Variants in TBC1D22A observed in about 807,000 individuals in gnomAD.
TBC1D22A encodes putative GTPase activator.
TBC1D22A carries 38 observed loss-of-function variants against 60.2 expected under a neutral mutation model. The observed-to-expected ratio is 0.63, with a 90% CI of 0.49 to 0.83. The LOEUF is 0.83. Ranked by LOEUF, TBC1D22A falls within the 40% of genes least tolerant of loss-of-function variation. The pLI, the probability that TBC1D22A is intolerant of heterozygous loss-of-function variation, is 0.00. For missense variants in TBC1D22A, 628 were observed against 701.0 expected, an observed-to-expected ratio of 0.90 and a Z score of 1.18; for synonymous variants, 302 against 281.7, an observed-to-expected ratio of 1.07 and a Z score of -0.72.
chr22:46,978,508 A>G (rs2074391755), intron 9 of TBC1D22A, among the ~76,000 whole-genome samples: 1 of 152,230 alleles, frequency 6.6e-6, no homozygotes, highest in Non-Finnish European at 1.5e-5. Context: ...TCTTGTATCT[A>G]CTTCTACATT....
chr22:46,763,508 G>A (rs144943716), intron 1 of TBC1D22A, among the ~76,000 whole-genome samples: 498 of 145,540 alleles, frequency 3.4e-3, no homozygotes, highest in African/African-American at 0.012. Flanking sequence ...TTGCTGTGGC[G>A]CTGAGCTATG....
intron 12 of TBC1D22A, among the ~76,000 whole-genome samples, chr22:47,119,737 C>T (rs1286875241): frequency 2.6e-5 from 4 of 152,102 alleles, no homozygotes; most frequent in South Asian, 2.1e-4. Context: ...CCTCGTAATC[C>T]GCCCGCCTCA....
chr22:47,088,179 A>G (rs535024904), intron 11 of TBC1D22A, among the ~76,000 whole-genome samples: 6 of 152,278 alleles, frequency 3.9e-5, no homozygotes, highest in Admixed American at 3.9e-4. Flanking sequence ...GGCTGTGACC[A>G]CTGAAAATTA....
In TBC1D22A at chr22:46,875,022, C is replaced by T. The variant is rs148846886; in HGVS notation, c.638-3631C>T. Among the ~76,000 whole-genome samples the T allele has an allele frequency of 1.6e-3, 244 of 152,260 alleles. 1 individual carries two copies. The highest frequency in any genetic ancestry group is 5.4e-3 in the African/African-American group (226 of 41,554). ...CAGTTTTTAAATAAAGGGAGATGTA[C>T]ATCTGCCCTATGACCCAGCAGTTCC... On this transcript the variant is annotated intron_variant, in intron 4 of 12. Transcript: ENST00000337137.
At chr22:47,122,821 C>T (rs1303916422) in intron 12 of TBC1D22A, among the ~76,000 whole-genome samples, 5 of 152,206 alleles carry the variant, frequency 3.3e-5, no homozygotes, top group African/African-American at 1.2e-4. Flanking sequence ...CCAGGGTGTG[C>T]CCAGCCTCTC....
intron 8 of TBC1D22A, among the ~76,000 whole-genome samples, chr22:46,945,080 A>G (rs2147973565): frequency 1.3e-5 from 2 of 152,332 alleles, no homozygotes; most frequent in Admixed American, 1.3e-4. Context: ...CCAAATCTGT[A>G]GTTTGGTCAT....
chr22:47,152,772 G>A (rs2067555222), intron 12 of TBC1D22A, among the ~76,000 whole-genome samples: 2 of 152,236 alleles, frequency 1.3e-5, no homozygotes, highest in South Asian at 4.1e-4. Flanking sequence ...GAGAGAGAAA[G>A]CATCGGCCGT....
chr22:47,141,380 G>C (rs969381186), intron 12 of TBC1D22A, among the ~76,000 whole-genome samples: 1 of 152,198 alleles, frequency 6.6e-6, no homozygotes, highest in African/African-American at 2.4e-5. Context: ...AAGCAGACAG[G>C]TTCCCATCGG....
chr22:47,066,048 G>A (rs1407817929), intron 11 of TBC1D22A, among the ~76,000 whole-genome samples: 1 of 152,160 alleles, frequency 6.6e-6, no homozygotes, highest in Admixed American at 6.5e-5. Flanking sequence ...ACAAGCTGGT[G>A]GAAAGAAACA....
chr22:46,919,030 C>G (rs953268179), intron 8 of TBC1D22A, among the ~76,000 whole-genome samples: 1 of 152,172 alleles, frequency 6.6e-6, no homozygotes, highest in Non-Finnish European at 1.5e-5. Context: ...CGTTTACCCA[C>G]TTAGAGTGTA....
At chr22:47,086,870 TGGAGA>T (rs947064198) in intron 11 of TBC1D22A, among the ~76,000 whole-genome samples, 3 of 152,106 alleles carry the variant, frequency 2.0e-5, no homozygotes, top group Non-Finnish European at 4.4e-5. Flanking sequence ...AAAGATTAGT[TGGAGA>T]AAAGAAAAAA....
chr22:46,960,954 C>CAAAAAAAAAAAAA (rs397868006), intron 8 of TBC1D22A, among the ~76,000 whole-genome samples: 1 of 47,756 alleles, frequency 2.1e-5, no homozygotes, highest in African/African-American at 7.4e-5. Flanking sequence ...GACACCATCT[C>CAAAAAAAAAAAAA]AAAAAAAAAA....
At chr22:47,138,174 C>T (rs1181914320) in intron 12 of TBC1D22A, among the ~76,000 whole-genome samples, 1 of 152,172 alleles carries the variant, frequency 6.6e-6, no homozygotes, top group Non-Finnish European at 1.5e-5. Context: ...GTCTCACGGC[C>T]CATCACTTTG....
chr22:46,871,585 C>T (rs1370703322), intron 4 of TBC1D22A, among the ~76,000 whole-genome samples: 1 of 152,168 alleles, frequency 6.6e-6, no homozygotes, highest in Non-Finnish European at 1.5e-5. Flanking sequence ...GGAAATTTAC[C>T]TGCATACTTC....
At chr22:47,063,287 G>A (rs961857592) in intron 11 of TBC1D22A, among the ~76,000 whole-genome samples, 5 of 152,180 alleles carry the variant, frequency 3.3e-5, no homozygotes, top group African/African-American at 1.2e-4. Context: ...TGACTCTGGG[G>A]CCAGGGCTAG....
At chr22:46,890,673 C>T (rs1347580973) in intron 5 of TBC1D22A, among the ~76,000 whole-genome samples, 2 of 152,200 alleles carry the variant, frequency 1.3e-5, no homozygotes, top group African/African-American at 4.8e-5. Context: ...TCAGGCTCTT[C>T]GTGACCTCCT....
intron 7 of TBC1D22A, among the ~76,000 whole-genome samples, chr22:46,905,599 G>T (rs564204568): frequency 1.9e-3 from 285 of 152,356 alleles, no homozygotes; most frequent in Middle Eastern, 6.8e-3. Flanking sequence ...GTTGGCGGGT[G>T]GGGGACAGGC....
intron 4 of TBC1D22A, among the ~76,000 whole-genome samples, chr22:46,802,215 A>G (rs710121): frequency 0.63 from 95,186 of 152,168 alleles, 29,763 homozygotes; most frequent in Middle Eastern, 0.73. Flanking sequence ...CTGGGGAGGA[A>G]TCGGCGGCGA....
chr22:46,878,110 C>G (rs1161576368), intron 4 of TBC1D22A, among the ~76,000 whole-genome samples: 1 of 152,024 alleles, frequency 6.6e-6, no homozygotes, highest in African/African-American at 2.4e-5. Flanking sequence ...TGGCCACATC[C>G]TTAATTAATG....
Sources: gnomAD v4.1 joint callset for allele counts (sites outside exome capture counted in the v4.1 genomes callset) on GRCh38, gnomAD v4.1.1 for gene constraint, MANE v1.5 for transcripts, NCBI Gene and HGNC (gene_info 2026-07-23, HGNC 2026-07-21) for gene names.